Variants in MSRB3 observed in about 807,000 individuals in gnomAD.
MSRB3 encodes the protein methionine sulfoxide reductase B3.
A neutral mutation model predicts 21.0 loss-of-function variants in MSRB3; 13 were observed. The observed-to-expected ratio is 0.62, with a 90% CI of 0.40 to 0.98. MSRB3 has a LOEUF of 0.98. MSRB3 is among the 50% of genes least tolerant of loss of function. The pLI, the probability that MSRB3 is intolerant of heterozygous loss-of-function variation, is 0.00. For synonymous variants in MSRB3, 87 were observed against 88.6 expected (o/e 0.98, Z 0.10); for missense variants, 199 against 230.3 (o/e 0.86, Z 0.88).
At chr12:65,456,321 C>A (rs541835954) in intron 6 of MSRB3, among the ~76,000 whole-genome samples, 1 of 152,302 alleles carries the variant, frequency 6.6e-6, no homozygotes, top group East Asian at 1.9e-4. Context: ...AAGATATTAA[C>A]TTTACTTATG....
chr12:65,316,180 C>G (rs1874284053), intron 2 of MSRB3: 1 of 152,050 alleles, frequency 6.6e-6, no homozygotes, highest in South Asian at 2.1e-4. Flanking sequence ...CCTTTTATTC[C>G]TATTCTGCAT....
In MSRB3 at chr12:65,341,440, C is replaced by T. The variant is rs1386452659; in HGVS notation, c.263+12837C>T. On this transcript the variant is annotated intron_variant, in intron 4 of 6. Coordinates refer to ENST00000308259, the MANE Select transcript of MSRB3 (RefSeq NM_001031679.3). ...GTTGGGGGGAAGGGAGGATGGTTAA[C>T]GGGTACAAAAAATGGTTATGAAGAA... Among the ~76,000 whole-genome samples, 6 of 150,970 alleles carry T rather than the reference C, an allele frequency of 4.0e-5. No homozygotes were observed. In the South Asian group the frequency reaches 8.3e-4, roughly 21 times the overall value.
chr12:65,460,771 C>G (rs1427102897), intron 6 of MSRB3, among the ~76,000 whole-genome samples: 1 of 146,308 alleles, frequency 6.8e-6, no homozygotes, highest in Non-Finnish European at 1.5e-5. Flanking sequence ...ATTAGGGACA[C>G]ACCTAGAATC....
chr12:65,451,110 G>A (rs1301913630), intron 5 of MSRB3, among the ~76,000 whole-genome samples: 1 of 152,160 alleles, frequency 6.6e-6, no homozygotes, highest in Non-Finnish European at 1.5e-5. Context: ...CCACCACAGT[G>A]AGTTACAGTC....
At chr12:65,446,842 T>C (rs952616349) in intron 5 of MSRB3, among the ~76,000 whole-genome samples, 2 of 152,152 alleles carry the variant, frequency 1.3e-5, no homozygotes, top group Non-Finnish European at 2.9e-5. Context: ...ACAAAAAGGC[T>C]CAGAACTCAG....
chr12:65,367,480 A>G (rs1878077287), intron 4 of MSRB3, among the ~76,000 whole-genome samples: 1 of 152,258 alleles, frequency 6.6e-6, no homozygotes, highest in African/African-American at 2.4e-5. Context: ...AAGGGCATGC[A>G]TAGATGCAAA....
chr12:65,328,270 CT>C (rs564128588), intron 3 of MSRB3, among the ~76,000 whole-genome samples: 54 of 151,108 alleles, frequency 3.6e-4, no homozygotes, highest in South Asian at 1.5e-3. Flanking sequence ...AGAAAAAAAT[CT>C]TTTTCTAAGC....
chr12:65,417,092 C>G (rs529662862), intron 5 of MSRB3, among the ~76,000 whole-genome samples: 1 of 152,310 alleles, frequency 6.6e-6, no homozygotes, highest in African/African-American at 2.4e-5. Context: ...AGAAGACCCT[C>G]TTTACTACTT....
At chr12:65,285,046 G>A (rs1189663726) in intron 1 of MSRB3, 2 of 152,192 alleles carry the variant, frequency 1.3e-5, no homozygotes, top group Admixed American at 6.5e-5. Context: ...AGACTGGACA[G>A]AATGTGAAGA....
chr12:65,425,184 T>C (rs1229506182), intron 5 of MSRB3, among the ~76,000 whole-genome samples: 1 of 151,080 alleles, frequency 6.6e-6, no homozygotes, highest in Non-Finnish European at 1.5e-5. Flanking sequence ...ACACATACTC[T>C]CTTGGTTTCT....
intron 5 of MSRB3, among the ~76,000 whole-genome samples, chr12:65,370,652 A>G (rs1046477242): frequency 2.0e-5 from 3 of 152,224 alleles, no homozygotes; most frequent in Non-Finnish European, 4.4e-5. Flanking sequence ...TACTGAAGGT[A>G]AGTATTTATC....
At chr12:65,426,915 C>A (rs779241420) in intron 5 of MSRB3, among the ~76,000 whole-genome samples, 58 of 151,880 alleles carry the variant, frequency 3.8e-4, no homozygotes, top group Non-Finnish European at 5.7e-4. Context: ...TGTTAAAGTT[C>A]TTGTTTTGGT....
At chr12:65,289,575 G>T (rs1872565492) in intron 1 of MSRB3, among the ~76,000 whole-genome samples, 1 of 152,134 alleles carries the variant, frequency 6.6e-6, no homozygotes, top group Admixed American at 6.5e-5. Flanking sequence ...TTGTATTTTA[G>T]GTGCAAGGGA....
intron 5 of MSRB3, among the ~76,000 whole-genome samples, chr12:65,446,166 G>A (rs1882607645): frequency 6.6e-6 from 1 of 152,102 alleles, no homozygotes; most frequent in South Asian, 2.1e-4. Flanking sequence ...ATGGCAGGAG[G>A]GAAGAAATAC....
chr12:65,365,062 G>T (rs1877931359), intron 4 of MSRB3, among the ~76,000 whole-genome samples: 1 of 118,384 alleles, frequency 8.4e-6, no homozygotes, highest in Non-Finnish European at 1.8e-5. Flanking sequence ...AGGAATAAAA[G>T]TGTTCTGACA....
At chr12:65,363,661 A>C (rs1397548882) in intron 4 of MSRB3, among the ~76,000 whole-genome samples, 1 of 152,038 alleles carries the variant, frequency 6.6e-6, no homozygotes, top group Non-Finnish European at 1.5e-5. Context: ...TGTTCTGACA[A>C]GACTCCAAAA....
At chr12:65,354,289 G>A in intron 4 of MSRB3, among the ~76,000 whole-genome samples, 1 of 152,060 alleles carries the variant, frequency 6.6e-6, no homozygotes, top group African/African-American at 2.4e-5. Flanking sequence ...CTAGATTGGG[G>A]AAGTTCTCCT....
At chr12:65,287,000 G>A (rs532476830) in intron 1 of MSRB3, among the ~76,000 whole-genome samples, 13 of 110,268 alleles carry the variant, frequency 1.2e-4, no homozygotes, top group African/African-American at 4.6e-4. Flanking sequence ...CATTCTGGGT[G>A]ACAGAGCGAG....
intron 4 of MSRB3, among the ~76,000 whole-genome samples, chr12:65,347,504 C>A (rs891489773): frequency 7.2e-5 from 11 of 152,262 alleles, no homozygotes; most frequent in African/African-American, 2.6e-4. Flanking sequence ...ATGGGGTTTT[C>A]TAGATATACA....
Sources: allele counts gnomAD v4.1 joint callset (sites outside exome capture counted in the v4.1 genomes callset), GRCh38; gene constraint gnomAD v4.1.1; transcripts MANE v1.5; gene names NCBI Gene and HGNC (gene_info 2026-07-23, HGNC 2026-07-21).